The following SLC8A1 variants were observed in gnomAD, a reference collection of about 807,000 sequenced individuals.
SLC8A1 encodes solute carrier family 8 member A1.
SLC8A1 carries 18 observed loss-of-function variants against 68.3 expected under a neutral mutation model. The ratio of observed to expected loss-of-function variants is 0.26; its 90% CI spans 0.18 to 0.39. The LOEUF is 0.39. Among genes scored for constraint, SLC8A1 ranks in the 10% least tolerant of loss-of-function variants. The probability of loss-of-function intolerance (pLI) is 1.00; values close to 1 mark genes in which losing one functional copy is unlikely to be tolerated. For synonymous variants in SLC8A1, 475 were observed against 415.5 expected, an observed-to-expected ratio of 1.14 and a Z score of -1.74; for missense variants, 985 against 1,156.7, an observed-to-expected ratio of 0.85 and a Z score of 2.15.
intron 2 of SLC8A1, among the ~76,000 whole-genome samples, chr2:40,295,961 T>C (rs748386905): frequency 1.3e-5 from 2 of 152,044 alleles, no homozygotes; most frequent in Admixed American, 6.6e-5. Flanking sequence ...AGGAGGGTGT[T>C]GGTGGTATAG....
chr2:40,476,110 C>G (rs1306335617), intron 1 of SLC8A1, among the ~76,000 whole-genome samples: 1 of 152,220 alleles, frequency 6.6e-6, no homozygotes, highest in African/African-American at 2.4e-5. Context: ...AGTTGTGGAA[C>G]TTCTTGATTT....
At chr2:40,429,220 A>G in exon 2 of SLC8A1, 1 of 1,613,840 alleles carries the variant, frequency 6.2e-7, no homozygotes, top group Non-Finnish European at 8.5e-7. Context: ...CTGCTGACTT[A>G]GGACTTGGTA....
At chr2:40,272,722 G>A (rs1389461179) in intron 2 of SLC8A1, among the ~76,000 whole-genome samples, 1 of 152,138 alleles carries the variant, frequency 6.6e-6, no homozygotes, top group African/African-American at 2.4e-5. Flanking sequence ...TTCACTTCTT[G>A]TTCACCGCTG....
At chr2:40,286,375 T>C (rs79761765) in intron 2 of SLC8A1, among the ~76,000 whole-genome samples, 5,709 of 152,282 alleles carry the variant, frequency 0.037, 359 homozygotes, top group African/African-American at 0.13. Context: ...CTCCTCTAGG[T>C]TGCCATTGCC....
At chr2:40,123,930 G>A (rs1054831973) in intron 7 of SLC8A1, among the ~76,000 whole-genome samples, 7 of 152,224 alleles carry the variant, frequency 4.6e-5, no homozygotes, top group South Asian at 4.1e-4. Flanking sequence ...CCTCTGACTC[G>A]CTTCTCCTCC....
At chr2:40,416,650 C>G (rs1321232095) in intron 2 of SLC8A1, among the ~76,000 whole-genome samples, 1 of 152,072 alleles carries the variant, frequency 6.6e-6, no homozygotes, top group East Asian at 1.9e-4. Context: ...AATGAAATGA[C>G]TCACCCAAAG....
intron 2 of SLC8A1, among the ~76,000 whole-genome samples, chr2:40,288,926 C>G (rs977031957): frequency 1.4e-5 from 2 of 147,584 alleles, no homozygotes; most frequent in Non-Finnish European, 3.0e-5. Context: ...TCTCAATCTC[C>G]TAGCCTCAAG....
rs1236450975 is a variant in SLC8A1 at position 40,122,206 on chromosome 2, GCACA to G, written c.2438-6581_2438-6578del. On this transcript the variant is annotated intron_variant, in intron 7 of 7. Transcript: ENST00000406785. ...CTCTCTCACAAGTGCATGCGCGCGC[GCACA>G]CACACACACACACACGTGTGCGCGC... Among the ~76,000 whole-genome samples, 203 of 124,562 alleles carry G rather than the reference GCACA, an allele frequency of 1.6e-3. 1 individual carries two copies. The highest frequency in any genetic ancestry group is 3.9e-3 in the African/African-American group (150 of 38,146). The allele number at this position is 124,562 out of a possible 152,430, so 81.7% of individuals were successfully genotyped here. A position where few individuals can be genotyped will look rare whatever the true frequency, so the allele number is the denominator to read the frequency against.
chr2:40,223,454 G>T (rs949298229), intron 2 of SLC8A1, among the ~76,000 whole-genome samples: 18 of 151,990 alleles, frequency 1.2e-4, no homozygotes, highest in Non-Finnish European at 1.6e-4. Flanking sequence ...GTCATGGCAC[G>T]TGTATTCCTA....
chr2:40,398,940 C>G (rs1687846647), intron 2 of SLC8A1, among the ~76,000 whole-genome samples: 1 of 152,160 alleles, frequency 6.6e-6, no homozygotes, highest in African/African-American at 2.4e-5. Flanking sequence ...CTCTATCTCT[C>G]TATTTATCTA....
At chr2:40,260,449 T>C (rs373498719) in intron 2 of SLC8A1, among the ~76,000 whole-genome samples, 1 of 152,158 alleles carries the variant, frequency 6.6e-6, no homozygotes, top group East Asian at 1.9e-4. Flanking sequence ...CAACCTACTC[T>C]GATTGACTTA....
intron 2 of SLC8A1, among the ~76,000 whole-genome samples, chr2:40,296,551 T>C (rs1214835760): frequency 6.6e-6 from 1 of 152,282 alleles, no homozygotes; most frequent in East Asian, 1.9e-4. Flanking sequence ...TGTGGTACAA[T>C]TTTCCTAAAT....
intron 2 of SLC8A1, among the ~76,000 whole-genome samples, chr2:40,186,700 C>T (rs2050765845): frequency 6.6e-6 from 1 of 152,112 alleles, no homozygotes; most frequent in Non-Finnish European, 1.5e-5. Flanking sequence ...GTCAACATTA[C>T]CCAGGTTTGT....
chr2:40,428,371 G>A lies in SLC8A1; in HGVS notation c.1808+102C>T, dbSNP rs116498463. The A allele has an allele frequency of 1.7e-3, 2,402 of 1,413,168 alleles. 33 individuals are homozygous for A. The African/African-American group carries it at 0.031, about 19-fold the overall frequency. 87.5% of individuals were successfully genotyped at this position (1,413,168 alleles called of 1,614,324 possible). On this transcript the variant is annotated intron_variant, in intron 2 of 7. Transcript: ENST00000406785. The stretch of plus-strand genomic sequence containing the variant: ...ATAAAAGCTATTCCATTCCTTGCAT[G>A]CTATTTAATTTAAAAAATGATGCAC...
At chr2:40,141,399 C>CA (rs2041544168) in intron 6 of SLC8A1, among the ~76,000 whole-genome samples, 1 of 152,218 alleles carries the variant, frequency 6.6e-6, no homozygotes, top group Non-Finnish European at 1.5e-5. Context: ...CCTGCTCTTT[C>CA]ATGAGCACAT....
chr2:40,404,568 G>A (rs917418789), intron 2 of SLC8A1, among the ~76,000 whole-genome samples: 1 of 152,118 alleles, frequency 6.6e-6, no homozygotes, highest in African/African-American at 2.4e-5. Flanking sequence ...TTAAACTAAT[G>A]AATCATCATT....
chr2:40,401,431 T>C (rs1688681565), intron 2 of SLC8A1, among the ~76,000 whole-genome samples: 1 of 152,164 alleles, frequency 6.6e-6, no homozygotes, highest in Non-Finnish European at 1.5e-5. Context: ...ATGCTATTTT[T>C]TTTAACATGA....
At chr2:40,442,392 A>T (rs1255886926) in intron 1 of SLC8A1, among the ~76,000 whole-genome samples, 2 of 143,194 alleles carry the variant, frequency 1.4e-5, no homozygotes, top group Admixed American at 6.9e-5. Context: ...AGGAACTTAA[A>T]TTTACAAAAA....
At chr2:40,274,938 T>G (rs1027666480) in intron 2 of SLC8A1, among the ~76,000 whole-genome samples, 1 of 152,234 alleles carries the variant, frequency 6.6e-6, no homozygotes, top group Non-Finnish European at 1.5e-5. Context: ...TACAAAATTA[T>G]AATGGCACAG....
Sources: gnomAD v4.1 joint callset for allele counts (sites outside exome capture counted in the v4.1 genomes callset) on GRCh38, gnomAD v4.1.1 for gene constraint, MANE v1.5 for transcripts, NCBI Gene and HGNC (gene_info 2026-07-23, HGNC 2026-07-21) for gene names.